The following NLGN1 variants were observed in gnomAD, a reference collection of about 807,000 sequenced individuals.
NLGN1 encodes neuroligin-1.
A neutral mutation model predicts 65.5 loss-of-function variants in NLGN1; 12 were observed. The observed-to-expected ratio is 0.18, with a 90% CI of 0.12 to 0.30. The LOEUF (loss-of-function observed/expected upper bound fraction) is 0.30, where lower values mean the gene tolerates loss of function less well. NLGN1 is among the 10% of genes least tolerant of loss of function. The pLI is 1.00. For missense variants in NLGN1, 750 were observed against 1,007.1 expected, an observed-to-expected ratio of 0.74 and a Z score of 3.46; for synonymous variants, 350 against 359.5, an observed-to-expected ratio of 0.97 and a Z score of 0.30.
chr3:174,083,866 C>G (rs1241970120), intron 4 of NLGN1, among the ~76,000 whole-genome samples: 1 of 152,066 alleles, frequency 6.6e-6, no homozygotes, highest in Non-Finnish European at 1.5e-5. Flanking sequence ...GAGCTGATAG[C>G]CACATGGTGG....
At chr3:174,283,528 G>GTAA (rs1751780190) in exon 7 of NLGN1, 1 of 151,176 alleles carries the variant, frequency 6.6e-6, no homozygotes, top group South Asian at 2.1e-4. Flanking sequence ...ATAAAATGGG[G>GTAA]GTGATTAAAC....
chr3:173,942,580 T>C (rs901649270), intron 4 of NLGN1, among the ~76,000 whole-genome samples: 1 of 152,192 alleles, frequency 6.6e-6, no homozygotes, highest in Admixed American at 6.5e-5. Flanking sequence ...TTCAACGTTT[T>C]CTTTTTGCTT....
intron 4 of NLGN1, among the ~76,000 whole-genome samples, chr3:174,178,316 T>C (rs915496247): frequency 2.6e-5 from 4 of 152,164 alleles, no homozygotes; most frequent in Admixed American, 2.6e-4. Context: ...TCAATAGACC[T>C]GTTCCAACAT....
chr3:173,841,389 A>G (rs1369705728), intron 4 of NLGN1, among the ~76,000 whole-genome samples: 1 of 152,200 alleles, frequency 6.6e-6, no homozygotes, highest in African/African-American at 2.4e-5. Context: ...CAAAATTGAG[A>G]GGACTGTCTT....
chr3:174,073,165 C>T (rs1411161752), intron 4 of NLGN1, among the ~76,000 whole-genome samples: 1 of 151,216 alleles, frequency 6.6e-6, no homozygotes, highest in Non-Finnish European at 1.5e-5. Flanking sequence ...ATTTTAGATA[C>T]AGTGAGTTCA....
At chr3:174,020,540 A>C (rs2152457272) in intron 4 of NLGN1, among the ~76,000 whole-genome samples, 1 of 152,266 alleles carries the variant, frequency 6.6e-6, no homozygotes, top group African/African-American at 2.4e-5. Context: ...CTCCTTAAAA[A>C]GATGTAATAA....
intron 4 of NLGN1, among the ~76,000 whole-genome samples, chr3:174,143,203 CAT>C (rs1037557088): frequency 1.3e-5 from 2 of 152,064 alleles, no homozygotes; most frequent in African/African-American, 2.4e-5. Context: ...ACATCCAAAC[CAT>C]ATCAATCAGT....
chr3:174,037,367 C>T (rs909258178), intron 4 of NLGN1, among the ~76,000 whole-genome samples: 8 of 152,198 alleles, frequency 5.3e-5, no homozygotes, highest in Admixed American at 3.3e-4. Flanking sequence ...AATAATCATC[C>T]GTGATAATTT....
At chr3:173,977,455 G>A (rs973883598) in intron 4 of NLGN1, among the ~76,000 whole-genome samples, 5 of 152,036 alleles carry the variant, frequency 3.3e-5, no homozygotes, top group African/African-American at 1.2e-4. Flanking sequence ...AGTTGACAAG[G>A]CGGGTAGAAG....
chr3:173,817,712 A>G (rs13089519), intron 4 of NLGN1, among the ~76,000 whole-genome samples: 25,507 of 152,098 alleles, frequency 0.17, 2,536 homozygotes, highest in African/African-American at 0.27. Flanking sequence ...ATAGTAATCT[A>G]TAATATAGTA....
chr3:173,456,879 T>G (rs1014324381), intron 2 of NLGN1, among the ~76,000 whole-genome samples: 1 of 152,086 alleles, frequency 6.6e-6, no homozygotes. Context: ...GATGATTATT[T>G]TCTGTATGAT....
intron 4 of NLGN1, among the ~76,000 whole-genome samples, chr3:173,893,923 A>G (rs1735845712): frequency 6.6e-6 from 1 of 152,154 alleles, no homozygotes. Flanking sequence ...TGCTACTCAC[A>G]TCCTTTATTC....
At chr3:173,437,802 T>TGTGC (rs1378848499) in intron 2 of NLGN1, among the ~76,000 whole-genome samples, 205 of 151,822 alleles carry the variant, frequency 1.4e-3, no homozygotes, top group African/African-American at 4.7e-3. Flanking sequence ...CACACACAGA[T>TGTGC]ATGCACACAC....
At chr3:173,551,364 A>G (rs2149265159) in intron 2 of NLGN1, among the ~76,000 whole-genome samples, 1 of 152,324 alleles carries the variant, frequency 6.6e-6, no homozygotes, top group African/African-American at 2.4e-5. Context: ...GGATTCTGCT[A>G]ATATCTGTAT....
At chr3:173,668,252 A>G (rs567268927) in intron 3 of NLGN1, among the ~76,000 whole-genome samples, 4 of 152,324 alleles carry the variant, frequency 2.6e-5, no homozygotes, top group Admixed American at 2.6e-4. Flanking sequence ...AGTCTTAAAT[A>G]TGTGAAAGTA....
intron 4 of NLGN1, among the ~76,000 whole-genome samples, chr3:173,990,102 A>G (rs1720790813): frequency 6.6e-6 from 1 of 152,204 alleles, no homozygotes; most frequent in African/African-American, 2.4e-5. Flanking sequence ...TGGCTGTTAA[A>G]TAGACAATCA....
intron 1 of NLGN1, among the ~76,000 whole-genome samples, chr3:173,427,845 A>ATTTTTTTTTTTTTTTTTTT (rs373746661): frequency 8.1e-6 from 1 of 123,130 alleles, no homozygotes. Context: ...TGGAAACTCT[A>ATTTTTTTTTTTTTTTTTTT]TTTTTTTTTT....
At chr3:174,213,820 AC>A (rs1161175343) in intron 4 of NLGN1, among the ~76,000 whole-genome samples, 1 of 152,186 alleles carries the variant, frequency 6.6e-6, no homozygotes, top group Non-Finnish European at 1.5e-5. Flanking sequence ...GTTATAATTT[AC>A]TTTTGAAAAC....
chr3:173,674,835 A>G lies in NLGN1; in HGVS notation c.493+69744A>G, dbSNP rs567113784. ...ATGAGACATAGGTTTATAAACTTGGAGAAAATAATTCAGCCTACACTAAGT... is the reference window on the plus strand; with the variant it reads ...ATGAGACATAGGTTTATAAACTTGGGGAAAATAATTCAGCCTACACTAAGT... On this transcript the variant is annotated intron_variant, in intron 3 of 6. Coordinates refer to ENST00000457714, the Ensembl canonical transcript of NLGN1. 2.6e-5 allele frequency among the ~76,000 whole-genome samples: 4 copies of G among 152,204 alleles called. No individual in the cohort carries two copies. The South Asian group carries it at 8.3e-4, about 31-fold the overall frequency.
Sources: allele counts gnomAD v4.1 joint callset (sites outside exome capture counted in the v4.1 genomes callset), GRCh38; gene constraint gnomAD v4.1.1; transcripts MANE v1.5; gene names NCBI Gene and HGNC (gene_info 2026-07-23, HGNC 2026-07-21).